MEGF10: variants seen among roughly 807,000 people sequenced by gnomAD.
MEGF10 encodes multiple epidermal growth factor-like domains protein 10.
A neutral mutation model predicts 147.5 loss-of-function variants in MEGF10; 86 were observed. That is an observed-to-expected ratio of 0.58 (90% CI 0.49 to 0.70). The LOEUF (loss-of-function observed/expected upper bound fraction) is 0.70. MEGF10 is among the 30% of genes least tolerant of loss of function. The pLI is 0.00. For synonymous variants in MEGF10, 478 were observed against 525.5 expected, an observed-to-expected ratio of 0.91 and a Z score of 1.24; for missense variants, 1,329 against 1,487.3, an observed-to-expected ratio of 0.89 and a Z score of 1.75.
chr5:127,247,383 GA>G, the MEGF10 span, among the ~76,000 whole-genome samples: 142 of 18,302 alleles, frequency 7.8e-3, 20 homozygotes, highest in African/African-American at 0.037. Context: ...AGAAGAAGAA[GA>G]AGAAGAAGAA....
Position 127,453,350 on chromosome 5 carries a change from C to G in MEGF10, c.2981-1216C>G, listed in dbSNP as rs574142608. 7.2e-5 allele frequency among the ~76,000 whole-genome samples: 11 copies of G among 152,294 alleles called. No homozygotes were observed. In the South Asian group the frequency reaches 1.7e-3, roughly 23 times the overall value. On this transcript the variant is annotated intron_variant, in intron 22 of 24. Transcript: ENST00000503335. ...GGGATTACAGGCATGAGCCACCGCACCCGGCCTGTAATATTCTTTTGAAAG... is the reference window on the plus strand; with the variant it reads ...GGGATTACAGGCATGAGCCACCGCAGCCGGCCTGTAATATTCTTTTGAAAG...
At chr5:127,417,325 CAT>C (rs1385074652) in intron 9 of MEGF10, among the ~76,000 whole-genome samples, 2 of 152,166 alleles carry the variant, frequency 1.3e-5, no homozygotes, top group East Asian at 3.9e-4. Context: ...TAGCTCCTCT[CAT>C]AGAGTTGACC....
At chr5:127,246,275 G>A in the MEGF10 span, among the ~76,000 whole-genome samples, 931 of 151,976 alleles carry the variant, frequency 6.1e-3, 3 homozygotes, top group Non-Finnish European at 9.9e-3. Flanking sequence ...CTATGCAGCC[G>A]TAAGAAGAAT....
At chr5:127,280,833 T>C in the MEGF10 span, among the ~76,000 whole-genome samples, 1 of 152,194 alleles carries the variant, frequency 6.6e-6, no homozygotes, top group Non-Finnish European at 1.5e-5. Flanking sequence ...TTATGAGACT[T>C]GCTGAGAGGA....
chr5:127,428,520 C>G (rs1027032355), intron 13 of MEGF10, among the ~76,000 whole-genome samples: 7 of 152,210 alleles, frequency 4.6e-5, no homozygotes, highest in African/African-American at 1.4e-4. Context: ...CTACACTACA[C>G]TACACTATGC....
chr5:127,299,220 C>T lies in MEGF10; in HGVS notation c.-19+8164C>T, dbSNP rs1759657931. Among the ~76,000 whole-genome samples the T allele has an allele frequency of 3.3e-5, 5 of 152,288 alleles. No homozygotes were observed. In the South Asian group the frequency reaches 1.0e-3, roughly 32 times the overall value. On this transcript the variant is annotated intron_variant, in intron 1 of 24. Transcript: ENST00000503335. ...TCATCAAAGGTACCTGATCTGAAAG[C>T]CTGCCTAAATCAAGGTCTATGACTT...
chr5:127,377,525 T>C (rs1027798806), intron 5 of MEGF10, among the ~76,000 whole-genome samples: 7 of 152,192 alleles, frequency 4.6e-5, no homozygotes, highest in African/African-American at 1.7e-4. Flanking sequence ...AGTGAAAATA[T>C]CCCTAGGAGG....
At chr5:127,439,760 C>T (rs963938126) in intron 17 of MEGF10, among the ~76,000 whole-genome samples, 8 of 152,326 alleles carry the variant, frequency 5.3e-5, no homozygotes, top group Non-Finnish European at 1.2e-4. Flanking sequence ...TGCCAGTTGC[C>T]AGCTGTGTGA....
In MEGF10 at chr5:127,398,657, T is replaced by C. The variant is rs749445570; in HGVS notation, c.660-19T>C. ...GTCTGGGAAATAACAGTGTCCTTTG[T>C]CACATGTTAATCCCTCAGCTGTGAG... On this transcript the variant is annotated intron_variant, in intron 6 of 24. Transcript: ENST00000503335. 6.2e-7 allele frequency: 1 copy of C among 1,614,024 alleles called. No homozygotes were observed. Among genetic ancestry groups the C allele is most frequent in the South Asian group, 1.1e-5 (1 of 91,068 alleles).
chr5:127,341,156 C>T (rs1761668292), intron 4 of MEGF10, among the ~76,000 whole-genome samples: 1 of 152,166 alleles, frequency 6.6e-6, no homozygotes, highest in Non-Finnish European at 1.5e-5. Flanking sequence ...ACCCTCCCCA[C>T]TTCACCAGTT....
At chr5:127,333,963 T>A (rs1199439761) in intron 2 of MEGF10, among the ~76,000 whole-genome samples, 1 of 152,292 alleles carries the variant, frequency 6.6e-6, no homozygotes, top group East Asian at 1.9e-4. Context: ...CCAGTTTTTT[T>A]AAATGTACTG....
At position 127,296,832 on chromosome 5, in the gene MEGF10, A is replaced by G. The variant is rs138659140; in HGVS notation, c.-19+5776A>G. ...CTACAATCAAAACAAAAAAATTTAAATATCCACCCCTATTGACATCTTGAG... is the reference window on the plus strand; with the variant it reads ...CTACAATCAAAACAAAAAAATTTAAGTATCCACCCCTATTGACATCTTGAG... On this transcript the variant is annotated intron_variant, in intron 1 of 24. Coordinates refer to ENST00000503335, the MANE Select transcript of MEGF10 (RefSeq NM_001256545.2). Among the ~76,000 whole-genome samples, 19 of 152,368 alleles carry G rather than the reference A, an allele frequency of 1.2e-4. No individual in the cohort carries two copies. The East Asian group carries it at 3.5e-3, about 28-fold the overall frequency.
At position 127,461,138 on chromosome 5, in the gene MEGF10, A is replaced by C. The variant is rs1452133526; in HGVS notation, c.*3820A>C. The stretch of plus-strand genomic sequence containing the variant: ...AATATCTCTATTTTCCAAAGATGAT[A>C]AACTTTCATCGTTCTTAGCCTACAT... On this transcript the variant is annotated 3_prime_UTR_variant, in exon 25 of 25. Coordinates refer to ENST00000503335, the MANE Select transcript of MEGF10 (RefSeq NM_001256545.2). 3 of 152,222 alleles carry C rather than the reference A, an allele frequency of 2.0e-5. No homozygotes were observed. The highest frequency in any genetic ancestry group is 4.4e-5 in the Non-Finnish European group (3 of 68,036). The allele number at this position is 152,222 out of a possible 1,614,324, so 9.4% of individuals were successfully genotyped here.
chr5:127,392,180 A>C (rs1025105694), intron 5 of MEGF10, among the ~76,000 whole-genome samples: 1 of 152,152 alleles, frequency 6.6e-6, no homozygotes, highest in African/African-American at 2.4e-5. Flanking sequence ...CAGGTCTACT[A>C]TCTCTCCATA....
chr5:127,338,592 A>T (rs564245025), intron 2 of MEGF10, among the ~76,000 whole-genome samples: 1 of 152,154 alleles, frequency 6.6e-6, no homozygotes, highest in African/African-American at 2.4e-5. Context: ...TAGTTGTTGT[A>T]TACTGTATAG....
chr5:127,454,703 A>G, intron 23 of MEGF10, 93 bp downstream of exon 23: 1 of 1,150,516 alleles, frequency 8.7e-7, no homozygotes, highest in Non-Finnish European at 1.2e-6. Context: ...CTAGAATGGC[A>G]AGAGAAAATG....
chr5:127,457,485 C>G lies in MEGF10; in HGVS notation c.*167C>G. 1.4e-6 allele frequency: 1 copy of G among 690,120 alleles called. No individual in the cohort carries two copies. The allele number at this position is 690,120 out of a possible 1,614,324, so 42.7% of individuals were successfully genotyped here. Reference sequence around the variant, plus strand: ...CTGAGGCTGACACGGACTGTAGGTGCTTTTTGTTCAGGTGGATTCGAAGGA... The same window carrying G: ...CTGAGGCTGACACGGACTGTAGGTGGTTTTTGTTCAGGTGGATTCGAAGGA... On this transcript the variant is annotated 3_prime_UTR_variant, in exon 25 of 25. Coordinates refer to ENST00000503335, the MANE Select transcript of MEGF10 (RefSeq NM_001256545.2).
chr5:127,327,146 G>A (rs1761070386), intron 1 of MEGF10, among the ~76,000 whole-genome samples: 1 of 152,196 alleles, frequency 6.6e-6, no homozygotes, highest in Admixed American at 6.5e-5. Flanking sequence ...GGTTAACTCT[G>A]TGGGCTGTTT....
At chr5:127,434,072 A>C (rs571778930) in intron 14 of MEGF10, among the ~76,000 whole-genome samples, 151 of 152,388 alleles carry the variant, frequency 9.9e-4, no homozygotes, top group African/African-American at 3.3e-3. Context: ...GTAACTAATT[A>C]TAAGTTATAC....
Sources: gnomAD v4.1 joint callset for allele counts (sites outside exome capture counted in the v4.1 genomes callset) on GRCh38, gnomAD v4.1.1 for gene constraint, MANE v1.5 for transcripts, NCBI Gene and HGNC (gene_info 2026-07-23, HGNC 2026-07-21) for gene names.